The following LRRC8B variants were observed in gnomAD, a reference collection of about 807,000 sequenced individuals.
LRRC8B encodes the protein leucine rich repeat containing 8 VRAC subunit B, also known as volume-regulated anion channel subunit LRRC8B.
In LRRC8B, 23 loss-of-function variants were observed where a neutral mutation model predicts 58.8. The observed-to-expected ratio is 0.39, with a 90% confidence interval of 0.28 to 0.55. The LOEUF (loss-of-function observed/expected upper bound fraction) is 0.55, where lower values mean the gene tolerates loss of function less well. Ranked by LOEUF, LRRC8B falls within the 20% of genes least tolerant of loss-of-function variation. The pLI is 0.62. For synonymous variants in LRRC8B, 359 were observed against 374.1 expected, an observed-to-expected ratio of 0.96 and a Z score of 0.47; for missense variants, 694 against 936.0, an observed-to-expected ratio of 0.74 and a Z score of 3.37.
chr1:89,570,174 A>G (rs78668721), intron 3 of LRRC8B, among the ~76,000 whole-genome samples: 4 of 152,156 alleles, frequency 2.6e-5, no homozygotes, highest in Admixed American at 6.5e-5. Flanking sequence ...TAATGCTGCA[A>G]TGAATATACA....
chr1:89,540,799 G>C (rs965241427), intron 1 of LRRC8B, among the ~76,000 whole-genome samples: 3 of 152,134 alleles, frequency 2.0e-5, no homozygotes, highest in Non-Finnish European at 4.4e-5. Context: ...TAGGGCAGTG[G>C]GATGAAGTAG....
At chr1:89,566,850 G>T (rs1394436401) in intron 1 of LRRC8B, among the ~76,000 whole-genome samples, 1 of 152,084 alleles carries the variant, frequency 6.6e-6, no homozygotes, top group Non-Finnish European at 1.5e-5. Flanking sequence ...ATATGTCCTT[G>T]GTTGGGAGCC....
chr1:89,573,887 A>G (rs543958653), intron 3 of LRRC8B, among the ~76,000 whole-genome samples: 2 of 152,342 alleles, frequency 1.3e-5, no homozygotes, highest in South Asian at 4.1e-4. Context: ...CTGCCTATCA[A>G]GAGGTGGAGT....
chr1:89,561,075 C>A (rs943868093), intron 1 of LRRC8B, among the ~76,000 whole-genome samples: 8 of 145,970 alleles, frequency 5.5e-5, no homozygotes, highest in African/African-American at 2.1e-4. Flanking sequence ...TAATGATCGC[C>A]ATTCTAACTG....
chr1:89,553,463 G>T (rs775339595), intron 1 of LRRC8B, among the ~76,000 whole-genome samples: 1 of 152,162 alleles, frequency 6.6e-6, no homozygotes, highest in South Asian at 2.1e-4. Context: ...ACCCTTTTGT[G>T]TGTGTGTTGT....
rs576152056 is a variant in LRRC8B, at chr1:89,567,563, A to G, written c.-240-684A>G. 7.9e-5 allele frequency among the ~76,000 whole-genome samples: 12 copies of G among 152,344 alleles called. No homozygotes were observed. The South Asian group carries it at 2.3e-3, about 29-fold the overall frequency. ...GCAACAATAAGATCATTTTTCACAT[A>G]TGGATTAGCAATTTTTTTAAATAAT... On this transcript the variant is annotated intron_variant, in intron 1 of 5. Coordinates refer to ENST00000330947, the MANE Select transcript of LRRC8B (RefSeq NM_001369817.2).
chr1:89,549,341 A>G (rs1651642487), intron 1 of LRRC8B, among the ~76,000 whole-genome samples: 1 of 152,192 alleles, frequency 6.6e-6, no homozygotes, highest in African/African-American at 2.4e-5. Flanking sequence ...GTTTCTATTA[A>G]CCCTGTTGAT....
At chr1:89,574,729 A>G (rs890362592) in intron 3 of LRRC8B, among the ~76,000 whole-genome samples, 5 of 152,168 alleles carry the variant, frequency 3.3e-5, no homozygotes, top group Admixed American at 6.5e-5. Flanking sequence ...TGTAAATCCG[A>G]CTGTTTCTCA....
chr1:89,539,510 C>T (rs1179527429), intron 1 of LRRC8B, among the ~76,000 whole-genome samples: 5 of 152,188 alleles, frequency 3.3e-5, no homozygotes, highest in Admixed American at 6.5e-5. Context: ...CTACAATTCC[C>T]ATCGTCTTTT....
intron 3 of LRRC8B, among the ~76,000 whole-genome samples, chr1:89,577,051 G>A (rs1653904129): frequency 6.6e-6 from 1 of 152,170 alleles, no homozygotes; most frequent in South Asian, 2.1e-4. Context: ...TTAATGGGAA[G>A]TAGCACTAAA....
At chr1:89,577,207 GACACTA>G (rs1653921000) in intron 3 of LRRC8B, among the ~76,000 whole-genome samples, 1 of 152,106 alleles carries the variant, frequency 6.6e-6, no homozygotes, top group African/African-American at 2.4e-5. Flanking sequence ...AGTATATAAT[GACACTA>G]AATACCATCT....
rs2101123740 is a variant in LRRC8B, at chr1:89,594,936, T to C, written c.*1893T>C. 1 of 152,298 alleles carries C rather than the reference T, an allele frequency of 6.6e-6. No homozygotes were observed. The highest frequency in any genetic ancestry group is 1.9e-4 in the East Asian group (1 of 5,192). 9.4% of individuals were successfully genotyped at this position (152,298 alleles called of 1,614,324 possible). A position where few individuals can be genotyped will look rare whatever the true frequency, so the allele number is the denominator to read the frequency against. The stretch of plus-strand genomic sequence containing the variant: ...TGTGGTGCGTGGTATGTGTTTTCTC[T>C]TGCTTTGTTCCAGAAAGATGAAAGT... On this transcript the variant is annotated 3_prime_UTR_variant, in exon 6 of 6. Coordinates refer to ENST00000330947, the MANE Select transcript of LRRC8B (RefSeq NM_001369817.2).
chr1:89,582,950 G>A lies in LRRC8B; in HGVS notation c.300G>A (p.Gln100=), dbSNP rs916465457. The A allele has an allele frequency of 6.8e-6, 11 of 1,614,060 alleles. No homozygotes were observed. The highest frequency in any genetic ancestry group is 8.5e-6 in the Non-Finnish European group (10 of 1,180,028). ...PLRIQNDLHR[Q]QYSYIDAVCY... Reference sequence around the variant, plus strand: ...GAATTCAGAATGACCTCCACCGACAGCAGTACTCCTATATTGATGCCGTCT... The same window carrying A: ...GAATTCAGAATGACCTCCACCGACAACAGTACTCCTATATTGATGCCGTCT... Residue 100 remains glutamine (Q), a synonymous_variant, in exon 5 of 6, where the codon CAG becomes CAA. Transcript: ENST00000330947.
At chr1:89,541,396 T>A (rs994807886) in intron 1 of LRRC8B, among the ~76,000 whole-genome samples, 2 of 152,214 alleles carry the variant, frequency 1.3e-5, no homozygotes, top group Non-Finnish European at 2.9e-5. Context: ...GGTAGAGTTA[T>A]TTCTATTTTT....
rs1232284772 is a variant in LRRC8B, at chr1:89,593,588, C to T, written c.*545C>T. The T allele has an allele frequency of 6.6e-6, 1 of 152,456 alleles. No homozygotes were observed. The highest frequency in any genetic ancestry group is 6.5e-5 in the Admixed American group (1 of 15,330). 9.4% of individuals were successfully genotyped at this position (152,456 alleles called of 1,614,324 possible). ...TGTTCTTTAACTTATTGAGATGTTG[C>T]AAGAAATGCACATCCAGGGTGGACT... On this transcript the variant is annotated 3_prime_UTR_variant, in exon 6 of 6. Coordinates refer to ENST00000330947, the MANE Select transcript of LRRC8B (RefSeq NM_001369817.2).
intron 1 of LRRC8B, among the ~76,000 whole-genome samples, chr1:89,538,604 A>T (rs1230505924): frequency 6.6e-6 from 1 of 152,242 alleles, no homozygotes; most frequent in Non-Finnish European, 1.5e-5. Context: ...AACTTTTAGT[A>T]CTACAAAGTA....
chr1:89,570,762 G>A (rs1653409893), intron 3 of LRRC8B, among the ~76,000 whole-genome samples: 1 of 151,942 alleles, frequency 6.6e-6, no homozygotes, highest in Admixed American at 6.6e-5. Flanking sequence ...ATTGCTTTTG[G>A]CATCTTCATT....
intron 1 of LRRC8B, among the ~76,000 whole-genome samples, chr1:89,556,906 A>G (rs1194426399): frequency 6.6e-6 from 1 of 152,180 alleles, no homozygotes; most frequent in Non-Finnish European, 1.5e-5. Flanking sequence ...TCCATGGAAA[A>G]TAGGAGCTGG....
intron 1 of LRRC8B, among the ~76,000 whole-genome samples, chr1:89,548,735 A>T (rs549492743): frequency 6.6e-6 from 1 of 152,288 alleles, no homozygotes; most frequent in African/African-American, 2.4e-5. Context: ...AAAGATCATT[A>T]TAACTTCTCC....
Sources: allele counts gnomAD v4.1 joint callset (sites outside exome capture counted in the v4.1 genomes callset), GRCh38; gene constraint gnomAD v4.1.1; transcripts MANE v1.5; gene names NCBI Gene and HGNC (gene_info 2026-07-23, HGNC 2026-07-21).